The following BCL2L14 variants were observed in gnomAD, a reference collection of about 807,000 sequenced individuals.
BCL2L14 encodes the protein apoptosis facilitator Bcl-2-like protein 14.
In BCL2L14, 27 loss-of-function variants were observed where a neutral mutation model predicts 35.3. That is an observed-to-expected ratio of 0.76 (90% confidence interval 0.56 to 1.05). The LOEUF is 1.05. BCL2L14 is among the 50% of genes least tolerant of loss of function. The probability of loss-of-function intolerance (pLI) is 0.00; values close to 1 mark genes in which losing one functional copy is unlikely to be tolerated. For missense variants in BCL2L14, 377 were observed against 382.6 expected, an observed-to-expected ratio of 0.99 and a Z score of 0.12; for synonymous variants, 139 against 145.9, an observed-to-expected ratio of 0.95 and a Z score of 0.34.
intron 1 of BCL2L14, among the ~76,000 whole-genome samples, chr12:12,050,793 T>TAAAAAAAAAAAAAAAAAAAAAAAAA (rs3052084): frequency 4.5e-5 from 4 of 88,326 alleles, no homozygotes; most frequent in African/African-American, 1.0e-4. Flanking sequence ...GCTGATGAGC[T>TAAAAAAAAAAAAAAAAAAAAAAAAA]AAAAAAAAAA....
intron 2 of BCL2L14, among the ~76,000 whole-genome samples, chr12:12,065,652 G>A (rs981152275): frequency 6.6e-6 from 1 of 152,096 alleles, no homozygotes; most frequent in Non-Finnish European, 1.5e-5. Context: ...GATAAAGATT[G>A]CCTTAGTGAG....
chr12:12,086,365 A>C (rs1482063406), intron 2 of BCL2L14, among the ~76,000 whole-genome samples: 1 of 152,170 alleles, frequency 6.6e-6, no homozygotes, highest in Non-Finnish European at 1.5e-5. Context: ...GTGACAAATC[A>C]ACAGTGAAAA....
intron 2 of BCL2L14, among the ~76,000 whole-genome samples, chr12:12,058,840 C>T (rs1396136302): frequency 6.6e-6 from 1 of 152,214 alleles, no homozygotes; most frequent in Admixed American, 6.5e-5. Context: ...CCCCTGTCCT[C>T]CCACTCTTTG....
chr12:12,056,924 C>A (rs1279233634), intron 2 of BCL2L14, among the ~76,000 whole-genome samples: 2 of 152,178 alleles, frequency 1.3e-5, no homozygotes, highest in East Asian at 3.8e-4. Flanking sequence ...ATCAAAGAGA[C>A]TGAAGGGGAC....
At chr12:12,095,061 C>T (rs575704643) in intron 5 of BCL2L14, 131 bp downstream of exon 5, 30 of 1,450,598 alleles carry the variant, frequency 2.1e-5, no homozygotes, top group Non-Finnish European at 2.7e-5. Flanking sequence ...CTTGAGTGGC[C>T]AGAGATAGAT....
intron 2 of BCL2L14, among the ~76,000 whole-genome samples, chr12:12,080,535 G>A (rs922722530): frequency 3.3e-5 from 5 of 151,068 alleles, no homozygotes; most frequent in East Asian, 2.0e-4. Context: ...CAAGAGAATC[G>A]CTTGAACCTG....
At chr12:12,083,267 C>T (rs1948968590) in intron 2 of BCL2L14, among the ~76,000 whole-genome samples, 1 of 152,056 alleles carries the variant, frequency 6.6e-6, no homozygotes, top group African/African-American at 2.4e-5. Context: ...CCTGGCCTCA[C>T]CTGGGTTATT....
chr12:12,077,319 A>G (rs201829420), intron 1 of BCL2L14, among the ~76,000 whole-genome samples: 1 of 152,244 alleles, frequency 6.6e-6, no homozygotes, highest in South Asian at 2.1e-4. Context: ...AGGCAGGTGG[A>G]TCACTTGAGC....
At chr12:12,082,137 G>A (rs535536063) in intron 2 of BCL2L14, among the ~76,000 whole-genome samples, 1 of 152,312 alleles carries the variant, frequency 6.6e-6, no homozygotes, top group East Asian at 1.9e-4. Flanking sequence ...GAGGAAATGG[G>A]AGTCCCACAA....
At chr12:12,091,073 T>G (rs1949179437) in intron 4 of BCL2L14, among the ~76,000 whole-genome samples, 1 of 152,214 alleles carries the variant, frequency 6.6e-6, no homozygotes, top group African/African-American at 2.4e-5. Flanking sequence ...CTCCTTGGAA[T>G]TTTTGGAAAC....
chr12:12,082,418 C>T (rs1948948456), intron 2 of BCL2L14, among the ~76,000 whole-genome samples: 1 of 152,230 alleles, frequency 6.6e-6, no homozygotes, highest in African/African-American at 2.4e-5. Context: ...TTTGGAGGCA[C>T]CTAAATAGGC....
intron 3 of BCL2L14, among the ~76,000 whole-genome samples, chr12:12,089,144 ATCG>A (rs1949113968): frequency 9.8e-5 from 15 of 152,338 alleles, no homozygotes; most frequent in African/African-American, 3.6e-4. Context: ...AGGCAGGTGG[ATCG>A]CCTGAGGTCA....
intron 2 of BCL2L14, among the ~76,000 whole-genome samples, chr12:12,082,758 G>A (rs1010941834): frequency 6.6e-6 from 1 of 152,042 alleles, no homozygotes; most frequent in Non-Finnish European, 1.5e-5. Context: ...TCCTAAGAAG[G>A]CTTTAAACAC....
chr12:12,069,224 C>T (rs1478871263), upstream of BCL2L14, among the ~76,000 whole-genome samples: 1 of 152,128 alleles, frequency 6.6e-6, no homozygotes, highest in African/African-American at 2.4e-5. Flanking sequence ...TCCTGAAGAA[C>T]TCTTGTCTCA....
upstream of BCL2L14, among the ~76,000 whole-genome samples, chr12:12,069,149 G>A (rs1948627639): frequency 6.6e-6 from 1 of 152,074 alleles, no homozygotes; most frequent in Non-Finnish European, 1.5e-5. Flanking sequence ...GATAGATTTG[G>A]GCTGCTGCTT....
chr12:12,094,865 C>G lies in BCL2L14; in HGVS notation c.880C>G (p.Leu294Val). The G allele has an allele frequency of 6.2e-7, 1 of 1,614,174 alleles. No homozygotes were observed. The highest frequency in any genetic ancestry group is 1.1e-5 in the South Asian group (1 of 91,090). ...AIDNHPMNRV[L>V]GFGTKYLKEN... Reference sequence around the variant, plus strand: ...TGACAACCACCCGATGAACAGGGTCCTGGGCTTTGGCACCAAGTACCTGAA... The same window carrying G: ...TGACAACCACCCGATGAACAGGGTCGTGGGCTTTGGCACCAAGTACCTGAA... Residue 294 changes from leucine (L) to valine (V), a missense_variant, in exon 5 of 6, where the codon CTG becomes GTG. Transcript: ENST00000308721.
intron 2 of BCL2L14, among the ~76,000 whole-genome samples, 175 bp from the exon 3 acceptor site, chr12:12,087,038 C>A (rs1949061277): frequency 6.6e-6 from 1 of 152,208 alleles, no homozygotes; most frequent in Non-Finnish European, 1.5e-5. Flanking sequence ...CACATCCCGG[C>A]CTCTGCCAGG....
At chr12:12,052,511 T>C (rs1373827467) in intron 2 of BCL2L14, among the ~76,000 whole-genome samples, 3 of 152,256 alleles carry the variant, frequency 2.0e-5, no homozygotes, top group South Asian at 4.1e-4. Flanking sequence ...CTTAGCGTAG[T>C]GTCCTCCAGA....
At chr12:12,096,785 T>G (rs1175777736) in intron 5 of BCL2L14, among the ~76,000 whole-genome samples, 2 of 152,190 alleles carry the variant, frequency 1.3e-5, no homozygotes, top group African/African-American at 4.8e-5. Flanking sequence ...CTGGTTGGAT[T>G]GTAAAATGGT....
Sources: allele counts gnomAD v4.1 joint callset (sites outside exome capture counted in the v4.1 genomes callset), GRCh38; gene constraint gnomAD v4.1.1; transcripts MANE v1.5; gene names NCBI Gene and HGNC (gene_info 2026-07-23, HGNC 2026-07-21).